Variants in DNMT1 observed in about 807,000 individuals in gnomAD.
DNMT1 encodes DNA methyltransferase 1, also known as DNA (cytosine-5)-methyltransferase 1.
In DNMT1, 24 loss-of-function variants were observed where a neutral mutation model predicts 205.3. The ratio of observed to expected loss-of-function variants is 0.12; its 90% CI spans 0.08 to 0.16. The LOEUF (loss-of-function observed/expected upper bound fraction) is 0.16, where lower values mean the gene tolerates loss of function less well. Among genes scored for constraint, DNMT1 ranks in the 10% least tolerant of loss-of-function variants. The pLI is 1.00. For synonymous variants in DNMT1, 817 were observed against 839.8 expected (o/e 0.97, Z 0.47); for missense variants, 1,293 against 2,177.7 (o/e 0.59, Z 8.09).
intron 38 of DNMT1, 122 bp from the exon 39 acceptor site, chr19:10,135,974 C>T (rs566299036): frequency 1.1e-4 from 161 of 1,482,036 alleles, no homozygotes; most frequent in African/African-American, 3.1e-4. Context: ...GAGCTTGTCC[C>T]GTGGACGTGG....
In DNMT1 at chr19:10,154,430, CCTT is replaced by C. The variant is rs771782063; in HGVS notation, c.1879_1881del (p.Lys627del). The C allele has an allele frequency of 1.2e-6, 2 of 1,614,226 alleles. No individual in the cohort carries two copies. Among genetic ancestry groups the C allele is most frequent in the South Asian group, 2.2e-5 (2 of 91,082 alleles). ...GTGGTGGCTTTCGTGGGTCCCCTGTCCTTCTCCCTGGTAGAATGCCTGATGGTC... is the reference window on the plus strand; with the variant it reads ...GTGGTGGCTTTCGTGGGTCCCCTGTCCTCCCTGGTAGAATGCCTGATGGTC... On this transcript the variant is annotated inframe_deletion, in exon 22 of 41. Transcript: ENST00000359526. This position sits in a 1 kb window ranked among gnomAD's most constrained non-coding sequence, Gnocchi z 6.3.
intron 1 of DNMT1, chr19:10,194,539 C>G (rs1337407849): frequency 8.5e-6 from 3 of 354,636 alleles, no homozygotes; most frequent in South Asian, 5.3e-5. Context: ...GAACCCAAAG[C>G]TTGCTGTATT....
Position 10,146,967 on chromosome 19 carries a change from T to C in DNMT1, c.2721-443A>G, listed in dbSNP as rs184250787. ...GGAGACTTGAAGATGGCCTTAAAAA[T>C]AGAGATCAAGGCCCAGCATGGTGGC... On this transcript the variant is annotated intron_variant, in intron 27 of 40. Coordinates refer to ENST00000359526, the MANE Select transcript of DNMT1 (RefSeq NM_001130823.3). This position sits in a 1 kb window ranked among gnomAD's most constrained non-coding sequence, Gnocchi z 4.4. 4.6e-5 allele frequency among the ~76,000 whole-genome samples: 7 copies of C among 152,238 alleles called. No individual in the cohort carries two copies. Among genetic ancestry groups the C allele is most frequent in the African/African-American group, 1.7e-4 (7 of 41,556 alleles).
intron 2 of DNMT1, 95 bp downstream of exon 2, chr19:10,181,946 G>A (rs1316457992): frequency 1.7e-6 from 2 of 1,146,314 alleles, no homozygotes; most frequent in African/African-American, 3.1e-5. Flanking sequence ...GGGAAAAAAT[G>A]CAAAATCCAT....
chr19:10,135,685 G>A (rs1202070659), intron 39 of DNMT1, 51 bp downstream of exon 39: 1 of 1,578,916 alleles, frequency 6.3e-7, no homozygotes, highest in South Asian at 1.1e-5. Flanking sequence ...CCTGGTGACA[G>A]GCACAGAAGC....
intron 9 of DNMT1, among the ~76,000 whole-genome samples, chr19:10,170,758 T>C (rs1055489509): frequency 1.4e-4 from 22 of 152,314 alleles, no homozygotes; most frequent in Non-Finnish European, 2.8e-4. Context: ...AAGAAACTTC[T>C]AGTCATCTTG....
chr19:10,182,119 A>T (rs1280110081), intron 1 of DNMT1, 42 bp from the exon 2 acceptor site: 14 of 1,589,304 alleles, frequency 8.8e-6, no homozygotes, highest in Non-Finnish European at 1.1e-5. Context: ...ACACTTGTTA[A>T]GCAACTTCAT....
In DNMT1 at chr19:10,180,250, T is replaced by C; in HGVS notation, c.446-16A>G. On this transcript the variant is annotated splice_polypyrimidine_tract_variant and intron_variant, in intron 4 of 40. Transcript: ENST00000359526. ...TCTCTTGAACCTGGGAGGCAGAGGT[T>C]ACAGTGAGCCGAGGTTACACCACTG... The C allele has an allele frequency of 1.4e-6, 2 of 1,432,656 alleles. No homozygotes were observed. The highest frequency in any genetic ancestry group is 1.9e-6 in the Non-Finnish European group (2 of 1,042,456). 88.7% of individuals were successfully genotyped at this position (1,432,656 alleles called of 1,614,324 possible). A position where few individuals can be genotyped will look rare whatever the true frequency, so the allele number is the denominator to read the frequency against.
At chr19:10,144,898 C>G (rs1371200250) in intron 28 of DNMT1, 2 of 152,348 alleles carry the variant, frequency 1.3e-5, no homozygotes, top group East Asian at 3.9e-4. Flanking sequence ...ACCACCACAC[C>G]CAGCTAACCC....
Position 10,173,862 on chromosome 19 carries a change from T to C in DNMT1, c.683+9A>G. On this transcript the variant is annotated intron_variant, in intron 8 of 40. Coordinates refer to ENST00000359526, the MANE Select transcript of DNMT1 (RefSeq NM_001130823.3). ...AGAACAAAAAGAAAGGTATAGTAAC[T>C]ATTCTTACCGTTCTCTGGATGTAAC... is the stretch of plus-strand genomic sequence containing the variant. 2.5e-6 allele frequency: 4 copies of C among 1,613,844 alleles called. No homozygotes were observed. The highest frequency in any genetic ancestry group is 2.2e-5 in the South Asian group (2 of 91,086).
Position 10,137,482 on chromosome 19 carries a change from G to T in DNMT1, c.4294-202C>A, listed in dbSNP as rs891130568. 8.8e-6 allele frequency: 6 copies of T among 681,486 alleles called. No individual in the cohort carries two copies. The Admixed American group carries it at 1.6e-4, about 18-fold the overall frequency. The allele number at this position is 681,486 out of a possible 1,614,324, so 42.2% of individuals were successfully genotyped here. A position where few individuals can be genotyped will look rare whatever the true frequency, so the allele number is the denominator to read the frequency against. On this transcript the variant is annotated intron_variant, in intron 36 of 40. Transcript: ENST00000359526. The surrounding 1 kb of genome is among the most constrained non-coding windows in gnomAD (Gnocchi z 6.4). ...GCAGCGCAGGTGTAGGAGAGCGTGG[G>T]AATCTAAGCTGAGCCTTTAGGGTGG... is the stretch of plus-strand genomic sequence containing the variant.
chr19:10,182,068 A>T lies in DNMT1; in HGVS notation c.90T>A (p.Asp30Glu). The stretch of plus-strand genomic sequence containing the variant: ...TTTCTGTTAAGCTGTCTCTTTCCAA[A>T]TCTTTGAGCCTGGGAGGAAGAAATA... ...LPDDVRRRLK[D>E]LERDSLTEKE... Residue 30 changes from aspartate (D) to glutamate (E), a missense_variant, in exon 2 of 41, where the codon GAT becomes GAA. This residue lies in a region of DNMT1 where 394 missense variants were observed against 451.6 expected (regional missense o/e 0.87). Transcript: ENST00000359526. The T allele has an allele frequency of 6.2e-7, 1 of 1,612,372 alleles. No homozygotes were observed. The highest frequency in any genetic ancestry group is 8.5e-7 in the Non-Finnish European group (1 of 1,178,936).
At chr19:10,178,922 C>T (rs1013705745) in intron 5 of DNMT1, among the ~76,000 whole-genome samples, 1 of 151,164 alleles carries the variant, frequency 6.6e-6, no homozygotes, top group Non-Finnish European at 1.5e-5. Context: ...GTCAGGAGAT[C>T]GAAATCATCC....
chr19:10,147,290 AAAT>A (rs2038221726), intron 27 of DNMT1, among the ~76,000 whole-genome samples: 1 of 150,698 alleles, frequency 6.6e-6, no homozygotes, highest in African/African-American at 2.4e-5. Flanking sequence ...ATAAATAAAT[AAAT>A]AAAAGAGGTT....
At chr19:10,169,386 C>CACA (rs1341955725) in intron 9 of DNMT1, among the ~76,000 whole-genome samples, 1 of 80,948 alleles carries the variant, frequency 1.2e-5, no homozygotes, top group African/African-American at 4.9e-5. Flanking sequence ...ACTAAAAATA[C>CACA]AAAAAAAAAA....
chr19:10,183,125 A>ATT (rs201154797), intron 1 of DNMT1, among the ~76,000 whole-genome samples: 16 of 117,478 alleles, frequency 1.4e-4, no homozygotes, highest in South Asian at 5.9e-4. Flanking sequence ...ATATATATAT[A>ATT]TTTTTTTTTT....
At chr19:10,179,297 T>C (rs2038995244) in intron 5 of DNMT1, among the ~76,000 whole-genome samples, 1 of 152,108 alleles carries the variant, frequency 6.6e-6, no homozygotes, top group Non-Finnish European at 1.5e-5. Flanking sequence ...TGGGATCTAA[T>C]GCTGCAACTT....
chr19:10,180,135 A>G, intron 5 of DNMT1, 52 bp downstream of exon 5: 1 of 614,144 alleles, frequency 1.6e-6, no homozygotes, highest in African/African-American at 1.8e-5. Context: ...CCAACATGGT[A>G]AGACCCCATC....
intron 5 of DNMT1, chr19:10,179,916 G>A (rs577590970): frequency 1.0e-3 from 185 of 179,256 alleles, no homozygotes; most frequent in African/African-American, 4.3e-3. Context: ...CTTGAAACTG[G>A]GAGGCGGAGG....
Sources: gnomAD v4.1 joint callset for allele counts (sites outside exome capture counted in the v4.1 genomes callset) on GRCh38, gnomAD v4.1.1 for gene constraint, gnomAD v4.1.1 regional missense constraint, Gnocchi (gnomAD v3.1) non-coding constraint, MANE v1.5 for transcripts, NCBI Gene and HGNC (gene_info 2026-07-23, HGNC 2026-07-21) for gene names.